CEP83: variants seen among roughly 807,000 people sequenced by gnomAD.
CEP83 encodes the protein centrosomal protein 83.
Under a neutral mutation model 101.9 loss-of-function variants are expected in CEP83, and 70 were observed. That is an observed-to-expected ratio of 0.69 (90% CI 0.57 to 0.84). The LOEUF is 0.84. Among genes scored for constraint, CEP83 ranks in the 40% least tolerant of loss-of-function variants. The pLI is 0.00. For synonymous variants in CEP83, 264 were observed against 267.9 expected, an observed-to-expected ratio of 0.99 and a Z score of 0.14; for missense variants, 715 against 787.2, an observed-to-expected ratio of 0.91 and a Z score of 1.10.
At chr12:94,403,133 G>T in intron 5 of CEP83, 37 bp downstream of exon 5, 1 of 1,031,512 alleles carries the variant, frequency 9.7e-7, no homozygotes, top group Non-Finnish European at 1.5e-6. Context: ...TTGATCCCAT[G>T]AGGATAAATG....
chr12:94,385,624 G>A (rs572520441), intron 6 of CEP83, among the ~76,000 whole-genome samples: 4 of 152,272 alleles, frequency 2.6e-5, no homozygotes, highest in Non-Finnish European at 4.4e-5. Context: ...CCCTTAAATG[G>A]CTGATAGAGT....
chr12:94,279,868 G>A, the CEP83 span: 1 of 687,440 alleles, frequency 1.5e-6, no homozygotes, highest in Non-Finnish European at 2.7e-6. Flanking sequence ...TTCAAAGATG[G>A]CGTTTGTTGT....
intron 2 of CEP83, among the ~76,000 whole-genome samples, chr12:94,415,570 T>A (rs565442510): frequency 2.5e-4 from 38 of 152,028 alleles, no homozygotes; most frequent in Non-Finnish European, 4.6e-4. Context: ...AAAAGTAGAT[T>A]TTAAAAGGCA....
At chr12:94,454,766 G>A (rs370187226) in intron 1 of CEP83, among the ~76,000 whole-genome samples, 230 of 152,082 alleles carry the variant, frequency 1.5e-3, no homozygotes, top group African/African-American at 4.9e-3. Flanking sequence ...GCGAGACCAC[G>A]AACCCACCGG....
rs1404012892 is a variant in CEP83 at position 94,322,510 on chromosome 12, G to C, written c.1707+9190C>G. On this transcript the variant is annotated intron_variant, in intron 14 of 16. Coordinates refer to ENST00000397809, the MANE Select transcript of CEP83 (RefSeq NM_016122.3). The stretch of plus-strand genomic sequence containing the variant: ...GCTTCAGACTCTCCAAATCCCAAAG[G>C]CAAAGAGATAAGGCTGCAAAACAGC... Among the ~76,000 whole-genome samples the C allele has an allele frequency of 2.0e-5, 3 of 152,282 alleles. No individual in the cohort carries two copies. In the East Asian group the frequency reaches 5.8e-4, roughly 29 times the overall value.
At chr12:94,444,123 G>A (rs2066622059) in intron 1 of CEP83, among the ~76,000 whole-genome samples, 1 of 152,208 alleles carries the variant, frequency 6.6e-6, no homozygotes, top group Admixed American at 6.5e-5. Context: ...CTCAGGCCGG[G>A]CGTGGTGGCT....
chr12:94,334,344 A>C (rs1346132784), intron 12 of CEP83, among the ~76,000 whole-genome samples: 1 of 152,148 alleles, frequency 6.6e-6, no homozygotes, highest in Non-Finnish European at 1.5e-5. Context: ...ATCTGGGAGT[A>C]CTTTTTCTCA....
chr12:94,336,615 A>T (rs907149297), intron 11 of CEP83, among the ~76,000 whole-genome samples: 4 of 152,224 alleles, frequency 2.6e-5, no homozygotes, highest in Non-Finnish European at 4.4e-5. Context: ...AATATAACAT[A>T]AAAAACCTGA....
At chr12:94,273,758 G>A in the CEP83 span, among the ~76,000 whole-genome samples, 3 of 152,130 alleles carry the variant, frequency 2.0e-5, no homozygotes, top group Non-Finnish European at 2.9e-5. Context: ...ATCAATAGAC[G>A]AATCTACCTC....
chr12:94,439,044 T>C (rs112536418), intron 1 of CEP83, among the ~76,000 whole-genome samples: 2,415 of 152,272 alleles, frequency 0.016, 32 homozygotes, highest in Admixed American at 0.025. Context: ...GGAAAGTTCA[T>C]AGCAATCACT....
intron 14 of CEP83, among the ~76,000 whole-genome samples, chr12:94,315,247 T>A (rs1016452775): frequency 2.6e-5 from 4 of 152,200 alleles, no homozygotes; most frequent in African/African-American, 9.6e-5. Flanking sequence ...CAGTACTTGG[T>A]ATGGTCGGTC....
chr12:94,338,899 G>A (rs916750843), intron 11 of CEP83, among the ~76,000 whole-genome samples: 5 of 151,884 alleles, frequency 3.3e-5, no homozygotes, highest in Admixed American at 6.6e-5. Context: ...GAAGTCAACC[G>A]TAAGGATCAT....
intron 6 of CEP83, among the ~76,000 whole-genome samples, chr12:94,398,405 C>T (rs1469837882): frequency 6.6e-6 from 1 of 152,076 alleles, no homozygotes; most frequent in Non-Finnish European, 1.5e-5. Context: ...GGCAGAGGAA[C>T]ATAAATTATG....
In CEP83 at chr12:94,399,507, C is replaced by A. The variant is rs148419333; in HGVS notation, c.549+1343G>T. Reference sequence around the variant, plus strand: ...GGAGGATCACTTGAGGCCAGTAGTCCGAGATCAGCTGGGGCAACATAGCAA... The same window carrying A: ...GGAGGATCACTTGAGGCCAGTAGTCAGAGATCAGCTGGGGCAACATAGCAA... On this transcript the variant is annotated intron_variant, in intron 6 of 16. Coordinates refer to ENST00000397809, the MANE Select transcript of CEP83 (RefSeq NM_016122.3). Among the ~76,000 whole-genome samples, 6 of 152,136 alleles carry A rather than the reference C, an allele frequency of 3.9e-5. No individual in the cohort carries two copies. The East Asian group carries it at 1.2e-3, about 29-fold the overall frequency.
Position 94,310,044 on chromosome 12 carries a change from T to A in CEP83, c.1875A>T (p.Arg625Ser), listed in dbSNP as rs375827880. The A allele has an allele frequency of 1.9e-6, 3 of 1,606,776 alleles. No individual in the cohort carries two copies. The African/African-American group carries it at 4.0e-5, about 22-fold the overall frequency. Residue 625 changes from arginine to serine, a missense_variant, in exon 16 of 17, where the codon AGA (arginine) becomes AGT (serine). Transcript: ENST00000397809. ...AAATTAGACTTCGAAATTCATTATG[T>A]CTTCTCTGTATATCTTTTAGTCTTT... ...LQKRLKDIQR[R>S]HNEFRSLILV...
At chr12:94,277,825 C>A in the CEP83 span, 1 of 408,966 alleles carries the variant, frequency 2.4e-6, no homozygotes. Flanking sequence ...CCGTGCTAAG[C>A]CCTTGAATGC....
intron 4 of CEP83, among the ~76,000 whole-genome samples, chr12:94,406,824 G>A (rs2063566756): frequency 6.6e-6 from 1 of 151,896 alleles, no homozygotes; most frequent in Admixed American, 6.6e-5. Context: ...CTACTCAGGA[G>A]GCTAAGGCAG....
intron 11 of CEP83, among the ~76,000 whole-genome samples, chr12:94,351,050 G>C (rs1255318831): frequency 6.6e-6 from 1 of 151,904 alleles, no homozygotes; most frequent in Admixed American, 6.6e-5. Context: ...GAGTTTCTAA[G>C]GGAGAACAAC....
At chr12:94,399,058 C>T (rs2063086725) in intron 6 of CEP83, among the ~76,000 whole-genome samples, 1 of 152,188 alleles carries the variant, frequency 6.6e-6, no homozygotes, top group African/African-American at 2.4e-5. Flanking sequence ...ATCAGTAATT[C>T]TGCTTTTGCC....
Sources: gnomAD v4.1 joint callset for allele counts (sites outside exome capture counted in the v4.1 genomes callset) on GRCh38, gnomAD v4.1.1 for gene constraint, MANE v1.5 for transcripts, NCBI Gene and HGNC (gene_info 2026-07-23, HGNC 2026-07-21) for gene names.